The following PLPPR1 variants were observed in gnomAD, a reference collection of about 807,000 sequenced individuals.
The protein encoded by PLPPR1 is phospholipid phosphatase-related protein type 1.
Under a neutral mutation model 33.1 loss-of-function variants are expected in PLPPR1, and 10 were observed. The observed-to-expected ratio is 0.30, with a 90% CI of 0.19 to 0.51. The LOEUF (loss-of-function observed/expected upper bound fraction) is 0.51, where lower values mean the gene tolerates loss of function less well. Among genes scored for constraint, PLPPR1 ranks in the 20% least tolerant of loss-of-function variants. The pLI is 0.97. For synonymous variants in PLPPR1, 151 were observed against 151.0 expected (o/e 1.00, Z 0.00); for missense variants, 304 against 408.1 (o/e 0.74, Z 2.20).
At position 101,294,543 on chromosome 9, in the gene PLPPR1, A is replaced by G. The variant is rs1828583490; in HGVS notation, c.385+8307A>G. Among the ~76,000 whole-genome samples, 3 of 152,096 alleles carry G rather than the reference A, an allele frequency of 2.0e-5. No homozygotes were observed. The South Asian group carries it at 6.2e-4, about 32-fold the overall frequency. ...AATATCCTTGATGAACATTGATGCAAAAATCCTCAATAAAATACTGGCAAA... is the reference window on the plus strand; with the variant it reads ...AATATCCTTGATGAACATTGATGCAGAAATCCTCAATAAAATACTGGCAAA... On this transcript the variant is annotated intron_variant, in intron 4 of 7. Transcript: ENST00000374874.
At chr9:101,086,894 A>G (rs1034304882) in intron 1 of PLPPR1, among the ~76,000 whole-genome samples, 9 of 152,178 alleles carry the variant, frequency 5.9e-5, no homozygotes, top group African/African-American at 2.2e-4. Context: ...AAAATATTTG[A>G]AAGTCTGGGA....
intron 1 of PLPPR1, among the ~76,000 whole-genome samples, chr9:101,094,640 T>C (rs1156992044): frequency 6.6e-6 from 1 of 152,216 alleles, no homozygotes; most frequent in Admixed American, 6.5e-5. Flanking sequence ...TACCATCATA[T>C]TAGAAAATGC....
At chr9:101,186,262 G>C (rs531461477) in intron 2 of PLPPR1, among the ~76,000 whole-genome samples, 1 of 151,938 alleles carries the variant, frequency 6.6e-6, no homozygotes, top group African/African-American at 2.4e-5. Flanking sequence ...CTCAAAATAA[G>C]ATGTTGATTT....
At chr9:101,053,069 G>C (rs1291796464) in intron 1 of PLPPR1, among the ~76,000 whole-genome samples, 2 of 152,184 alleles carry the variant, frequency 1.3e-5, no homozygotes, top group Non-Finnish European at 2.9e-5. Context: ...TCTCCACTCA[G>C]AAGAGCCCAG....
intron 4 of PLPPR1, among the ~76,000 whole-genome samples, chr9:101,290,854 T>G (rs535421875): frequency 3.9e-5 from 6 of 152,088 alleles, no homozygotes; most frequent in African/African-American, 1.4e-4. Context: ...TCAGCGTGAG[T>G]GACGCAGAAG....
chr9:101,154,202 T>C (rs1831642159), intron 1 of PLPPR1, among the ~76,000 whole-genome samples: 1 of 152,216 alleles, frequency 6.6e-6, no homozygotes, highest in African/African-American at 2.4e-5. Context: ...CAGGCTTTGG[T>C]ATCAGGATGA....
intron 3 of PLPPR1, 59 bp from the exon 4 acceptor site, chr9:101,286,045 T>A: frequency 6.9e-7 from 1 of 1,449,830 alleles, no homozygotes; most frequent in Middle Eastern, 1.9e-4. Context: ...TTTAAAGCCA[T>A]GGGCCTCTCT....
At chr9:101,295,847 CCCTAGAAGAAAA>C (rs1344094070) in intron 4 of PLPPR1, among the ~76,000 whole-genome samples, 2 of 150,234 alleles carry the variant, frequency 1.3e-5, no homozygotes, top group Non-Finnish European at 3.0e-5. Flanking sequence ...ACCATAAAAA[CCCTAGAAGAAAA>C]CCTAGGCATT....
At chr9:101,320,062 T>G (rs926554743) in intron 7 of PLPPR1, among the ~76,000 whole-genome samples, 10 of 152,328 alleles carry the variant, frequency 6.6e-5, no homozygotes, top group Non-Finnish European at 1.2e-4. Flanking sequence ...GGATTCTACT[T>G]AAATTGAAAA....
intron 1 of PLPPR1, among the ~76,000 whole-genome samples, chr9:101,108,940 G>C (rs1029410951): frequency 2.0e-5 from 3 of 148,678 alleles, no homozygotes; most frequent in African/African-American, 5.0e-5. Context: ...ATAAGCAAAA[G>C]CTCTTTTTTG....
intron 1 of PLPPR1, among the ~76,000 whole-genome samples, chr9:101,123,376 A>C (rs940680217): frequency 3.9e-5 from 6 of 152,104 alleles, no homozygotes; most frequent in South Asian, 2.1e-4. Flanking sequence ...CCATAAATGT[A>C]ATGTGTCCAG....
At chr9:101,227,507 C>G (rs773068942) in intron 2 of PLPPR1, among the ~76,000 whole-genome samples, 2 of 151,616 alleles carry the variant, frequency 1.3e-5, no homozygotes, top group South Asian at 2.1e-4. Context: ...GGGTTTTTTT[C>G]TTGTAAATCC....
chr9:101,287,288 A>G (rs1828408596), intron 4 of PLPPR1, among the ~76,000 whole-genome samples: 1 of 152,336 alleles, frequency 6.6e-6, no homozygotes, highest in East Asian at 1.9e-4. Flanking sequence ...CTTACAGGGT[A>G]TACCCTGATC....
chr9:101,144,581 A>C (rs1158829336), intron 1 of PLPPR1, among the ~76,000 whole-genome samples: 1 of 152,108 alleles, frequency 6.6e-6, no homozygotes, highest in Non-Finnish European at 1.5e-5. Context: ...GGTCTCAGAA[A>C]AAAACCAAAC....
intron 1 of PLPPR1, among the ~76,000 whole-genome samples, chr9:101,180,441 GA>G (rs1481354417): frequency 1.3e-5 from 2 of 149,880 alleles, no homozygotes; most frequent in African/African-American, 2.5e-5. Context: ...AAGGAATAGA[GA>G]AAAAAAAGAA....
In PLPPR1 at chr9:101,086,507, T is replaced by G. The variant is rs527466461; in HGVS notation, c.-46+57405T>G. ...CCATAGCCAGGTAGCTGCCTACAGC[T>G]GAAGTGACTGTGAAGATGCTTATAT... On this transcript the variant is annotated intron_variant, in intron 1 of 7. Coordinates refer to ENST00000374874, the MANE Select transcript of PLPPR1 (RefSeq NM_207299.2). Among the ~76,000 whole-genome samples, 167 of 152,306 alleles carry G rather than the reference T, an allele frequency of 1.1e-3. 2 individuals carry two copies. The South Asian group carries it at 0.034, about 31-fold the overall frequency.
intron 2 of PLPPR1, among the ~76,000 whole-genome samples, chr9:101,248,474 T>G (rs568274766): frequency 6.6e-6 from 1 of 152,210 alleles, no homozygotes; most frequent in East Asian, 1.9e-4. Flanking sequence ...ATACAGATTA[T>G]GCATTGTGCT....
intron 2 of PLPPR1, among the ~76,000 whole-genome samples, chr9:101,249,664 A>G (rs973353723): frequency 6.6e-6 from 1 of 152,062 alleles, no homozygotes; most frequent in East Asian, 1.9e-4. Flanking sequence ...ATTTTGAACA[A>G]TGAAGATGGT....
chr9:101,261,267 C>A (rs1233912409), intron 2 of PLPPR1, among the ~76,000 whole-genome samples: 2 of 152,124 alleles, frequency 1.3e-5, no homozygotes, highest in African/African-American at 2.4e-5. Context: ...TTTGGACTTA[C>A]TTTTATAATA....
Sources: gnomAD v4.1 joint callset for allele counts (sites outside exome capture counted in the v4.1 genomes callset) on GRCh38, gnomAD v4.1.1 for gene constraint, MANE v1.5 for transcripts, NCBI Gene and HGNC (gene_info 2026-07-23, HGNC 2026-07-21) for gene names.